The following ALAS1 variants were observed in gnomAD, a reference collection of about 807,000 sequenced individuals.
ALAS1 encodes 5-aminolevulinate synthase, non-specific, mitochondrial.
Under a neutral mutation model 59.6 loss-of-function variants are expected in ALAS1, and 29 were observed. The observed-to-expected ratio is 0.49, with a 90% confidence interval of 0.36 to 0.66. The LOEUF is 0.66. Ranked by LOEUF, ALAS1 falls within the 30% of genes least tolerant of loss-of-function variation. The probability of loss-of-function intolerance (pLI) is 0.00; values close to 1 mark genes in which losing one functional copy is unlikely to be tolerated. For missense variants in ALAS1, 690 were observed against 807.5 expected (o/e 0.85, Z 1.76); for synonymous variants, 299 against 296.6 (o/e 1.01, Z -0.08).
chr3:52,205,060 T>C (rs191316538), intron 6 of ALAS1, 145 bp downstream of exon 6: 244 of 715,410 alleles, frequency 3.4e-4, no homozygotes, highest in Admixed American at 9.3e-4. Context: ...CTGAAAAATA[T>C]CTACAGATTA....
At position 52,214,244 on chromosome 3, in the gene ALAS1, G is replaced by T; in HGVS notation, c.*64G>T. Reference sequence around the variant, plus strand: ...TCATATCCAGATGGTCTTCAGAGTTGTCTTTATATGTGAATTAAGTTATAT... The same window carrying T: ...TCATATCCAGATGGTCTTCAGAGTTTTCTTTATATGTGAATTAAGTTATAT... On this transcript the variant is annotated 3_prime_UTR_variant, in exon 12 of 12. Coordinates refer to ENST00000484952, the MANE Select transcript of ALAS1 (RefSeq NM_000688.6). 1 of 1,382,036 alleles carries T rather than the reference G, an allele frequency of 7.2e-7. No homozygotes were observed. Among genetic ancestry groups the T allele is most frequent in the Non-Finnish European group, 9.8e-7 (1 of 1,020,506 alleles). The allele number at this position is 1,382,036 out of a possible 1,614,324, so 85.6% of individuals were successfully genotyped here. A position where few individuals can be genotyped will look rare whatever the true frequency, so the allele number is the denominator to read the frequency against.
intron 8 of ALAS1, among the ~76,000 whole-genome samples, chr3:52,207,823 T>C (rs1699325599): frequency 6.6e-6 from 1 of 152,214 alleles, no homozygotes; most frequent in African/African-American, 2.4e-5. Flanking sequence ...CTTTTTTTAT[T>C]GCTGTGTAGT....
chr3:52,205,724 G>A (rs1393573005), intron 6 of ALAS1, 115 bp from the exon 7 acceptor site: 4 of 1,006,684 alleles, frequency 4.0e-6, no homozygotes, highest in Non-Finnish European at 5.7e-6. Context: ...TTCACAGTGA[G>A]AGAGTTGCTA....
chr3:52,204,580 A>C, intron 5 of ALAS1, 113 bp from the exon 6 acceptor site: 1 of 833,394 alleles, frequency 1.2e-6, no homozygotes, highest in South Asian at 1.6e-5. Context: ...GAGGACATCA[A>C]ATAACCTGCC....
chr3:52,200,052 A>G (rs1334221242), intron 3 of ALAS1, among the ~76,000 whole-genome samples: 1 of 152,072 alleles, frequency 6.6e-6, no homozygotes. Context: ...CTGACCTCAA[A>G]TGATCCACCT....
intron 4 of ALAS1, 72 bp from the exon 5 acceptor site, chr3:52,203,786 TGACAA>T: frequency 6.8e-7 from 1 of 1,475,246 alleles, no homozygotes; most frequent in Admixed American, 2.4e-5. Flanking sequence ...AAGCCATTTT[TGACAA>T]TATGTTTGGA....
At position 52,211,500 on chromosome 3, in the gene ALAS1, G is replaced by A. The variant is rs1699407609; in HGVS notation, c.1548G>A (p.Met516Ile). The A allele has an allele frequency of 6.2e-7, 1 of 1,614,108 alleles. No individual in the cohort carries two copies. Among genetic ancestry groups the A allele is most frequent in the Admixed American group, 1.7e-5 (1 of 60,006 alleles). The change falls in exon 10 of 12, where the codon ATG becomes ATA. Residue 516 changes from methionine to isoleucine, a missense_variant. By Grantham distance (10) the Met-to-Ile change is conservative. Transcript: ENST00000484952. ...TCAAACTCATGAGACAGATGCTAAT[G>A]GATGCCGGCCTCCCTGTTGTCCACT... ...RNVKLMRQMLMDAGLPVVHCP... is the reference protein window; with the variant it reads ...RNVKLMRQMLIDAGLPVVHCP...
Position 52,199,428 on chromosome 3 carries a change from C to G in ALAS1, c.187C>G (p.Pro63Ala), listed in dbSNP as rs752999300. ...CTACCAACAGATCAAAGAAACCCCT[C>G]CGGCCAGTGAGAGTAAGTGTCATTG... ...VHYQQIKETP[P>A]ASEKDKTAKA... The change falls in exon 3 of 12, where the codon CCG (proline) becomes GCG (alanine). Residue 63 changes from proline (P) to alanine (A), a missense_variant. Physicochemically the swap from Pro to Ala is conservative, Grantham distance 27. Transcript: ENST00000484952. The G allele has an allele frequency of 6.2e-7, 1 of 1,613,932 alleles. No individual in the cohort carries two copies. Among genetic ancestry groups the G allele is most frequent in the East Asian group, 2.2e-5 (1 of 44,880 alleles).
chr3:52,204,644 G>C, intron 5 of ALAS1, 49 bp from the exon 6 acceptor site: 1 of 1,520,136 alleles, frequency 6.6e-7, no homozygotes, highest in Non-Finnish European at 9.0e-7. Flanking sequence ...CCAAAATGCA[G>C]CTGTGTTTCA....
At chr3:52,203,409 C>T (rs1014997035) in intron 4 of ALAS1, among the ~76,000 whole-genome samples, 3 of 152,090 alleles carry the variant, frequency 2.0e-5, no homozygotes, top group Non-Finnish European at 2.9e-5. Context: ...GGCATGATGG[C>T]GCATGCCTAT....
chr3:52,199,525 G>T, intron 3 of ALAS1, 85 bp downstream of exon 3: 1 of 1,301,152 alleles, frequency 7.7e-7, no homozygotes, highest in Non-Finnish European at 1.1e-6. Flanking sequence ...TGGTGGTGAG[G>T]GTCACACTCA....
At chr3:52,211,665 C>A in intron 10 of ALAS1, 114 bp downstream of exon 10, 1 of 1,455,372 alleles carries the variant, frequency 6.9e-7, no homozygotes, top group Non-Finnish European at 9.4e-7. Context: ...ACTGCCAGGG[C>A]AGGGGTTGTA....
intron 9 of ALAS1, among the ~76,000 whole-genome samples, chr3:52,209,854 A>G (rs1194778239): frequency 6.6e-6 from 1 of 151,878 alleles, no homozygotes; most frequent in African/African-American, 2.4e-5. Flanking sequence ...TAATTTTTGT[A>G]TTTTTAGTAG....
intron 7 of ALAS1, among the ~76,000 whole-genome samples, 196 bp from the exon 8 acceptor site, chr3:52,206,376 G>C (rs1032591015): frequency 6.6e-6 from 1 of 152,150 alleles, no homozygotes; most frequent in Non-Finnish European, 1.5e-5. Context: ...CTGCCACAAG[G>C]TTATTCTACA....
At chr3:52,210,770 C>A (rs913137167) in intron 9 of ALAS1, among the ~76,000 whole-genome samples, 9 of 151,932 alleles carry the variant, frequency 5.9e-5, no homozygotes, top group Non-Finnish European at 8.8e-5. Context: ...CAGAGCAAGA[C>A]CCTGTCTCTA....
In ALAS1 at chr3:52,208,087, G is replaced by T. The variant is rs144166227; in HGVS notation, c.1170G>T (p.Ala390=). Residue 390 remains alanine, a synonymous_variant, in exon 9 of 12, where the codon GCG becomes GCT. Coordinates refer to ENST00000484952, the MANE Select transcript of ALAS1 (RefSeq NM_000688.6). The part of the protein sequence containing the change: ...AFETVHSMDG[A]VCPLEELCDV... ...CAGTCTCTGGTCTTTCCTCAGGGGC[G>T]GTGTGCCCACTGGAAGAGCTGTGTG... 2 of 1,568,546 alleles carry T rather than the reference G, an allele frequency of 1.3e-6. No homozygotes were observed. The highest frequency in any genetic ancestry group is 1.7e-6 in the Non-Finnish European group (2 of 1,159,652).
intron 10 of ALAS1, among the ~76,000 whole-genome samples, chr3:52,212,044 T>C (rs889079035): frequency 1.3e-5 from 2 of 152,210 alleles, no homozygotes; most frequent in South Asian, 4.1e-4. Context: ...TATTTCTTTT[T>C]AATAAGGTTT....
At chr3:52,204,335 A>T (rs1699250823) in intron 5 of ALAS1, among the ~76,000 whole-genome samples, 1 of 152,228 alleles carries the variant, frequency 6.6e-6, no homozygotes. Flanking sequence ...GTGAGCTATG[A>T]TCACGCTATT....
rs1468543217 is a variant in ALAS1 at position 52,208,195 on chromosome 3, T to C, written c.1278T>C (p.Ile426=). 5 of 1,614,118 alleles carry C rather than the reference T, an allele frequency of 3.1e-6. No individual in the cohort carries two copies. Among genetic ancestry groups the C allele is most frequent in the Non-Finnish European group, 4.2e-6 (5 of 1,180,000 alleles). The part of the protein sequence containing the change: ...VGLYGARGGG[I]GDRDGVMPKM... ...TTTATGGGGCTCGAGGCGGAGGGAT[T>C]GGGGATCGGGATGGAGTCATGCCAA... Residue 426 remains isoleucine (I), a synonymous_variant, in exon 9 of 12, where the codon ATT becomes ATC. Transcript: ENST00000484952.
Sources: gnomAD v4.1 joint callset for allele counts (sites outside exome capture counted in the v4.1 genomes callset) on GRCh38, gnomAD v4.1.1 for gene constraint, MANE v1.5 for transcripts, NCBI Gene and HGNC (gene_info 2026-07-23, HGNC 2026-07-21) for gene names.